The following MAGI3 variants were observed in gnomAD, a reference collection of about 807,000 sequenced individuals.
MAGI3 encodes membrane associated guanylate kinase, WW and PDZ domain containing 3.
Under a neutral mutation model 121.8 loss-of-function variants are expected in MAGI3, and 43 were observed. The ratio of observed to expected loss-of-function variants is 0.35; its 90% CI spans 0.28 to 0.46. The LOEUF is 0.46. Among genes scored for constraint, MAGI3 ranks in the 20% least tolerant of loss-of-function variants. The pLI is 1.00. For synonymous variants in MAGI3, 553 were observed against 639.3 expected (o/e 0.86, Z 2.04); for missense variants, 1,547 against 1,797.3 (o/e 0.86, Z 2.52).
intron 1 of MAGI3, among the ~76,000 whole-genome samples, chr1:113,518,166 C>T (rs371344249): frequency 6.6e-6 from 1 of 152,048 alleles, no homozygotes; most frequent in East Asian, 1.9e-4. Context: ...TCCTAGAGTG[C>T]AAAGAGTCTA....
intron 1 of MAGI3, among the ~76,000 whole-genome samples, chr1:113,404,759 T>C (rs1297380498): frequency 6.6e-6 from 1 of 152,028 alleles, no homozygotes; most frequent in Non-Finnish European, 1.5e-5. Flanking sequence ...AAAAACCTAA[T>C]GCATGATGTA....
Position 113,683,141 on chromosome 1 carries a change from G to A in MAGI3, c.3573G>A (p.Val1191=), listed in dbSNP as rs1648319510. 1 of 1,613,326 alleles carries A rather than the reference G, an allele frequency of 6.2e-7. No individual in the cohort carries two copies. Among genetic ancestry groups the A allele is most frequent in the South Asian group, 1.1e-5 (1 of 90,878 alleles). ...IKHQSLLQKN[V]SKRDPPSSHG... ...ATCAGTCTCTTCTCCAGAAAAATGTGAGTAAGAGGGATCCACCCAGCAGTC... is the reference window on the plus strand; with the variant it reads ...ATCAGTCTCTTCTCCAGAAAAATGTAAGTAAGAGGGATCCACCCAGCAGTC... Residue 1191 remains valine (V), a synonymous_variant, in exon 21 of 21, where the codon GTG becomes GTA. Coordinates refer to ENST00000307546, the MANE Select transcript of MAGI3 (RefSeq NM_001142782.2).
chr1:113,486,768 C>G (rs1034378432), intron 1 of MAGI3, among the ~76,000 whole-genome samples: 2 of 151,976 alleles, frequency 1.3e-5, no homozygotes, highest in Admixed American at 6.6e-5. Flanking sequence ...CCTCCCATCC[C>G]AGCCTCCTGA....
At chr1:113,433,933 T>A (rs867648117) in intron 1 of MAGI3, among the ~76,000 whole-genome samples, 71 of 152,326 alleles carry the variant, frequency 4.7e-4, no homozygotes, top group African/African-American at 1.5e-3. Context: ...TGTATTTTCT[T>A]ATTTTTATTC....
chr1:113,628,735 G>GCC (rs1473871976), intron 9 of MAGI3, among the ~76,000 whole-genome samples: 2 of 152,106 alleles, frequency 1.3e-5, no homozygotes, highest in Non-Finnish European at 2.9e-5. Flanking sequence ...AATATGTCAT[G>GCC]CCACTCTCTC....
intron 9 of MAGI3, among the ~76,000 whole-genome samples, chr1:113,637,716 G>A (rs1417075560): frequency 6.6e-6 from 1 of 152,040 alleles, no homozygotes; most frequent in Non-Finnish European, 1.5e-5. Flanking sequence ...TCTTGGAGTT[G>A]CTCTTCTCGA....
At chr1:113,628,672 T>C (rs1040271005) in intron 9 of MAGI3, among the ~76,000 whole-genome samples, 6 of 152,182 alleles carry the variant, frequency 3.9e-5, no homozygotes, top group Non-Finnish European at 5.9e-5. Flanking sequence ...TTACAGGATA[T>C]TTTTGCCAGA....
At chr1:113,577,732 T>G (rs1647742546) in intron 2 of MAGI3, among the ~76,000 whole-genome samples, 1 of 152,128 alleles carries the variant, frequency 6.6e-6, no homozygotes, top group Non-Finnish European at 1.5e-5. Flanking sequence ...AAAAGAATCA[T>G]GGACAACATC....
chr1:113,420,652 T>C (rs951730893), intron 1 of MAGI3, among the ~76,000 whole-genome samples: 1 of 152,148 alleles, frequency 6.6e-6, no homozygotes, highest in Non-Finnish European at 1.5e-5. Flanking sequence ...GAAAAAAAAT[T>C]TTTTGGAATT....
intron 6 of MAGI3, among the ~76,000 whole-genome samples, chr1:113,601,524 A>G (rs1235177466): frequency 1.4e-5 from 2 of 148,144 alleles, no homozygotes; most frequent in East Asian, 3.9e-4. Context: ...ACAATGAGAT[A>G]CCATCTCACA....
intron 1 of MAGI3, among the ~76,000 whole-genome samples, chr1:113,510,997 G>C (rs899545279): frequency 3.3e-5 from 5 of 152,144 alleles, no homozygotes; most frequent in Non-Finnish European, 7.3e-5. Context: ...TTTCTCACTA[G>C]ACTAGGGACC....
intron 6 of MAGI3, among the ~76,000 whole-genome samples, chr1:113,611,720 C>A (rs762902841): frequency 3.3e-5 from 5 of 152,046 alleles, no homozygotes; most frequent in Non-Finnish European, 7.4e-5. Flanking sequence ...TCACCTTAAT[C>A]AATTCTCTAT....
chr1:113,574,367 G>A (rs1647493958), intron 2 of MAGI3, among the ~76,000 whole-genome samples: 1 of 151,838 alleles, frequency 6.6e-6, no homozygotes, highest in African/African-American at 2.4e-5. Flanking sequence ...CTTCCTTCAG[G>A]AGTAAGGCAG....
At chr1:113,583,689 G>A (rs1648183864) in intron 3 of MAGI3, among the ~76,000 whole-genome samples, 1 of 152,058 alleles carries the variant, frequency 6.6e-6, no homozygotes, top group Non-Finnish European at 1.5e-5. Context: ...TGTGCCGGCT[G>A]CCCCAGAGAA....
chr1:113,602,273 A>T (rs1371783895), intron 6 of MAGI3, among the ~76,000 whole-genome samples: 2 of 152,160 alleles, frequency 1.3e-5, no homozygotes, highest in Non-Finnish European at 2.9e-5. Flanking sequence ...ATCTTCTCAG[A>T]CCACAGTGGA....
intron 1 of MAGI3, among the ~76,000 whole-genome samples, chr1:113,543,183 T>C (rs1205800126): frequency 6.6e-6 from 1 of 152,202 alleles, no homozygotes; most frequent in East Asian, 1.9e-4. Context: ...TGTAGACTTG[T>C]TATACCCAAT....
intron 1 of MAGI3, among the ~76,000 whole-genome samples, chr1:113,476,317 G>A (rs982235061): frequency 2.0e-5 from 3 of 152,078 alleles, no homozygotes; most frequent in Non-Finnish European, 4.4e-5. Context: ...TGATGTTAGG[G>A]TGTCAATTTT....
chr1:113,402,701 TG>T (rs1275075556), intron 1 of MAGI3, among the ~76,000 whole-genome samples: 1 of 152,084 alleles, frequency 6.6e-6, no homozygotes, highest in Non-Finnish European at 1.5e-5. Context: ...GGAGATGAAC[TG>T]TCAAGGATAC....
intron 2 of MAGI3, among the ~76,000 whole-genome samples, chr1:113,570,132 A>G (rs1024500103): frequency 2.0e-5 from 3 of 152,134 alleles, no homozygotes; most frequent in African/African-American, 7.2e-5. Context: ...ATGAGTGAGA[A>G]CATGTGGTGT....
Sources: allele counts gnomAD v4.1 joint callset (sites outside exome capture counted in the v4.1 genomes callset), GRCh38; gene constraint gnomAD v4.1.1; transcripts MANE v1.5; gene names NCBI Gene and HGNC (gene_info 2026-07-23, HGNC 2026-07-21).